The following IFT27 variants were observed in gnomAD, a reference collection of about 807,000 sequenced individuals.
IFT27 encodes the protein intraflagellar transport protein 27 homolog.
In IFT27, 19 loss-of-function variants were observed where a neutral mutation model predicts 23.9. The observed-to-expected ratio is 0.79, with a 90% confidence interval of 0.55 to 1.16. The LOEUF (loss-of-function observed/expected upper bound fraction) is 1.16, where lower values mean the gene tolerates loss of function less well. Among genes scored for constraint, IFT27 ranks in the 50% most tolerant of loss-of-function variants. The pLI is 0.00. For synonymous variants in IFT27, 91 were observed against 89.1 expected, an observed-to-expected ratio of 1.02 and a Z score of -0.12; for missense variants, 206 against 228.7, an observed-to-expected ratio of 0.90 and a Z score of 0.64.
chr22:36,763,261 A>T (rs1161157430), intron 5 of IFT27: 1 of 405,944 alleles, frequency 2.5e-6, no homozygotes, highest in Non-Finnish European at 4.4e-6. Flanking sequence ...CCTCACGTGT[A>T]TCTGTCTCCC....
At chr22:36,762,421 G>A (rs1285654879) in intron 6 of IFT27, 1 of 152,558 alleles carries the variant, frequency 6.6e-6, no homozygotes, top group Non-Finnish European at 1.5e-5. Context: ...GCAAGGTGAG[G>A]ATGGGTGGTA....
intron 5 of IFT27, 73 bp from the exon 6 acceptor site, chr22:36,763,086 C>A: frequency 2.6e-6 from 3 of 1,139,224 alleles, no homozygotes; most frequent in East Asian, 2.6e-5. Context: ...GAGATGAGAG[C>A]ACTATTTTTG....
intron 1 of IFT27, among the ~76,000 whole-genome samples, chr22:36,769,544 G>A (rs1315436503): frequency 2.0e-5 from 3 of 152,088 alleles, no homozygotes; most frequent in African/African-American, 7.2e-5. Context: ...TAGTAGAGAC[G>A]GGGTTTCACC....
intron 6 of IFT27, chr22:36,761,650 T>A (rs1938093394): frequency 6.6e-6 from 1 of 152,248 alleles, no homozygotes; most frequent in Admixed American, 6.5e-5. Flanking sequence ...ATAAGGGATG[T>A]ATTTTATGAT....
chr22:36,770,170 G>C (rs1281250608), intron 1 of IFT27, among the ~76,000 whole-genome samples: 3 of 152,196 alleles, frequency 2.0e-5, no homozygotes, highest in Non-Finnish European at 4.4e-5. Flanking sequence ...GGACAGAGAG[G>C]ATGACGTCTG....
At chr22:36,762,702 G>A in intron 6 of IFT27, 1 of 411,404 alleles carries the variant, frequency 2.4e-6, no homozygotes. Flanking sequence ...CCCAGGGTTG[G>A]CTGGCTGATC....
chr22:36,763,727 T>A, intron 5 of IFT27, 192 bp downstream of exon 5: 1 of 675,774 alleles, frequency 1.5e-6, no homozygotes. Context: ...TTTCCTAGAC[T>A]GGGAGAGGTG....
chr22:36,766,376 C>T, intron 3 of IFT27, 179 bp from the exon 4 acceptor site: 2 of 612,986 alleles, frequency 3.3e-6, no homozygotes, highest in South Asian at 3.7e-5. Context: ...AAGGAGCGAA[C>T]TCCAGAGTCT....
intron 6 of IFT27, chr22:36,760,827 C>T (rs893540354): frequency 1.8e-5 from 3 of 167,080 alleles, no homozygotes; most frequent in African/African-American, 4.8e-5. Context: ...AACGTTACTT[C>T]CCCACTCCTC....
chr22:36,770,630 C>T (rs5750303), intron 1 of IFT27, among the ~76,000 whole-genome samples: 115,593 of 152,068 alleles, frequency 0.76, 44,364 homozygotes, highest in Middle Eastern at 0.91. Flanking sequence ...CTGTTTGTGA[C>T]GCCACCGTGT....
In IFT27 at chr22:36,763,111, T is replaced by A. The variant is rs539298699; in HGVS notation, c.353-98A>T. ...CACTATTTTTGAGGGGTGTAAAGCA[T>A]CCTCTGAGAGCTGCCTGACTCGAGG... On this transcript the variant is annotated intron_variant, in intron 5 of 6. Coordinates refer to ENST00000433985, the MANE Select transcript of IFT27 (RefSeq NM_001177701.3). 4 of 781,076 alleles carry A rather than the reference T, an allele frequency of 5.1e-6. 1 individual carries two copies. The South Asian group carries it at 7.5e-5, about 15-fold the overall frequency. 48.4% of individuals were successfully genotyped at this position (781,076 alleles called of 1,614,324 possible).
chr22:36,775,226 C>T (rs1938473909), intron 1 of IFT27, among the ~76,000 whole-genome samples: 1 of 148,020 alleles, frequency 6.8e-6, no homozygotes, highest in Non-Finnish European at 1.5e-5. Flanking sequence ...TCACTACACT[C>T]AGGTCACCGT....
chr22:36,774,007 A>AG (rs1476674443), intron 1 of IFT27, among the ~76,000 whole-genome samples: 2 of 152,226 alleles, frequency 1.3e-5, no homozygotes, highest in Non-Finnish European at 2.9e-5. Context: ...TAAAAAAAAA[A>AG]GTAACTTCAG....
intron 6 of IFT27, chr22:36,760,042 T>G (rs1938039319): frequency 6.6e-6 from 1 of 152,108 alleles, no homozygotes; most frequent in African/African-American, 2.4e-5. Flanking sequence ...GTGGAGAGTT[T>G]GTAGCCAAGA....
At position 36,775,992 on chromosome 22, in the gene IFT27, G is replaced by A. The variant is rs1004700443; in HGVS notation, c.-285C>T. On this transcript the variant is annotated 5_prime_UTR_variant, in exon 1 of 7. Coordinates refer to ENST00000433985, the MANE Select transcript of IFT27 (RefSeq NM_001177701.3). ...TGAAAAGGTGCAAGCGAGCGGACACGGCCTGTGCTCCCCGCCCAGCCCCTC... is the reference window on the plus strand; with the variant it reads ...TGAAAAGGTGCAAGCGAGCGGACACAGCCTGTGCTCCCCGCCCAGCCCCTC... 3 of 555,702 alleles carry A rather than the reference G, an allele frequency of 5.4e-6. No homozygotes were observed. Among genetic ancestry groups the A allele is most frequent in the Non-Finnish European group, 9.7e-6 (3 of 308,628 alleles). The allele number at this position is 555,702 out of a possible 1,614,324, so 34.4% of individuals were successfully genotyped here. A position where few individuals can be genotyped will look rare whatever the true frequency, so the allele number is the denominator to read the frequency against.
At chr22:36,770,307 A>G (rs557624756) in intron 1 of IFT27, among the ~76,000 whole-genome samples, 20 of 152,160 alleles carry the variant, frequency 1.3e-4, no homozygotes, top group African/African-American at 4.3e-4. Context: ...TTCCTTCCCG[A>G]GTCCTGTCCC....
At chr22:36,773,888 A>C (rs1390140403) in intron 1 of IFT27, among the ~76,000 whole-genome samples, 1 of 152,214 alleles carries the variant, frequency 6.6e-6, no homozygotes, top group African/African-American at 2.4e-5. Flanking sequence ...TGAGGATTCA[A>C]TGAGACCACC....
chr22:36,762,966 C>T lies in IFT27; in HGVS notation c.400G>A (p.Asp134Asn), dbSNP rs1303914729. The stretch of plus-strand genomic sequence containing the variant: ...GCCCATGCCCGGGCCTCAGCTGAGT[C>T]CACTGCTCGTCTGCCGGCCAGGTCT... ...KTDLAGRRAV[D>N]SAEARAWALG... is the part of the protein sequence containing the mutation. Residue 134 changes from aspartate (D) to asparagine (N), a missense_variant, in exon 6 of 7, where the codon GAC becomes AAC. Physicochemically the swap from Asp to Asn is conservative, Grantham distance 23. Transcript: ENST00000433985. The T allele has an allele frequency of 1.9e-6, 3 of 1,606,836 alleles. No individual in the cohort carries two copies. Among genetic ancestry groups the T allele is most frequent in the Non-Finnish European group, 2.6e-6 (3 of 1,175,908 alleles).
chr22:36,776,025 C>A lies in IFT27; in HGVS notation c.-318G>T. The A allele has an allele frequency of 2.0e-6, 1 of 488,154 alleles. No homozygotes were observed. Among genetic ancestry groups the A allele is most frequent in the East Asian group, 3.7e-5 (1 of 26,860 alleles). The allele number at this position is 488,154 out of a possible 1,614,324, so 30.2% of individuals were successfully genotyped here. A position where few individuals can be genotyped will look rare whatever the true frequency, so the allele number is the denominator to read the frequency against. On this transcript the variant is annotated 5_prime_UTR_variant, in exon 1 of 7. Coordinates refer to ENST00000433985, the MANE Select transcript of IFT27 (RefSeq NM_001177701.3). ...CTCCCCGCCCAGCCCCTCAGCACAG[C>A]CCTACCCAGAGGGTTCAAGGAAGGA...
Sources: allele counts gnomAD v4.1 joint callset (sites outside exome capture counted in the v4.1 genomes callset), GRCh38; gene constraint gnomAD v4.1.1; transcripts MANE v1.5; gene names NCBI Gene and HGNC (gene_info 2026-07-23, HGNC 2026-07-21).